Variants in MEI4 observed in about 807,000 individuals in gnomAD.
MEI4 encodes the protein meiosis-specific protein MEI4.
MEI4 carries 27 observed loss-of-function variants against 31.4 expected under a neutral mutation model. The observed-to-expected ratio is 0.86, with a 90% CI of 0.63 to 1.19. The LOEUF is 1.19. MEI4 is among the 50% of genes most tolerant of loss of function. The pLI is 0.00. For missense variants in MEI4, 329 were observed against 398.9 expected (o/e 0.82, Z 1.49); for synonymous variants, 122 against 145.4 (o/e 0.84, Z 1.16).
chr6:77,778,338 G>A (rs1210565889), intron 3 of MEI4, among the ~76,000 whole-genome samples: 1 of 151,984 alleles, frequency 6.6e-6, no homozygotes, highest in Non-Finnish European at 1.5e-5. Context: ...AAAGGAGTAG[G>A]GTGTTACTTG....
At chr6:77,744,773 G>A (rs982695602) in intron 2 of MEI4, among the ~76,000 whole-genome samples, 8 of 152,138 alleles carry the variant, frequency 5.3e-5, no homozygotes, top group Admixed American at 2.0e-4. Flanking sequence ...TCGATCTCTC[G>A]GCAGAAACCC....
chr6:77,790,958 A>C (rs543973029), intron 3 of MEI4, among the ~76,000 whole-genome samples: 1 of 152,308 alleles, frequency 6.6e-6, no homozygotes, highest in Non-Finnish European at 1.5e-5. Context: ...CCATCAGAGA[A>C]ATGCAAATCA....
rs746790963 is a variant in MEI4 at position 77,924,049 on chromosome 6, T to C, written c.*703T>C. On this transcript the variant is annotated 3_prime_UTR_variant, in exon 5 of 5. Transcript: ENST00000684080. ...ATAGTCTTGTAATTGTTAAATAGTA[T>C]ACAATTAAGTCACTAGACATATTTT... The C allele has an allele frequency of 5.3e-5, 8 of 151,874 alleles. No individual in the cohort carries two copies. The highest frequency in any genetic ancestry group is 7.4e-5 in the Non-Finnish European group (5 of 67,810). The allele number at this position is 151,874 out of a possible 1,614,324, so 9.4% of individuals were successfully genotyped here.
At chr6:77,686,058 C>T (rs1237272447) in intron 1 of MEI4, among the ~76,000 whole-genome samples, 4 of 151,858 alleles carry the variant, frequency 2.6e-5, no homozygotes, top group African/African-American at 9.7e-5. Flanking sequence ...GAGTCTGGGA[C>T]CTCCCTCCCT....
At chr6:77,743,815 A>T (rs1389202055) in intron 2 of MEI4, among the ~76,000 whole-genome samples, 2 of 152,182 alleles carry the variant, frequency 1.3e-5, no homozygotes, top group African/African-American at 4.8e-5. Context: ...GTTCACAAAA[A>T]TCTGCTGTTA....
At chr6:77,907,495 C>T (rs9448246) in intron 4 of MEI4, among the ~76,000 whole-genome samples, 56,190 of 151,950 alleles carry the variant, frequency 0.37, 10,986 homozygotes, top group African/African-American at 0.5. Flanking sequence ...GCATAGTATT[C>T]CATGGTGTAT....
At chr6:77,737,556 C>T (rs905878584) in intron 2 of MEI4, among the ~76,000 whole-genome samples, 5 of 152,172 alleles carry the variant, frequency 3.3e-5, no homozygotes, top group South Asian at 2.1e-4. Flanking sequence ...TAGAGAATTA[C>T]GACTGGATGA....
intron 4 of MEI4, among the ~76,000 whole-genome samples, chr6:77,887,114 G>GAGCA (rs1771638735): frequency 6.6e-6 from 1 of 151,622 alleles, no homozygotes; most frequent in African/African-American, 2.4e-5. Flanking sequence ...CCCTCTGAGC[G>GAGCA]CTGCCTTTGC....
chr6:77,720,672 A>G (rs1385543034), intron 2 of MEI4, among the ~76,000 whole-genome samples: 1 of 101,564 alleles, frequency 9.8e-6, no homozygotes, highest in Non-Finnish European at 2.0e-5. Context: ...ATGTGACATC[A>G]AATTTGTTTT....
intron 2 of MEI4, among the ~76,000 whole-genome samples, chr6:77,734,181 C>A (rs557068488): frequency 6.6e-6 from 1 of 151,894 alleles, no homozygotes; most frequent in African/African-American, 2.4e-5. Context: ...CCTGGGTATC[C>A]TTGTTGACTT....
At chr6:77,908,552 C>G (rs71563080) in intron 4 of MEI4, among the ~76,000 whole-genome samples, 13,979 of 151,984 alleles carry the variant, frequency 0.092, 939 homozygotes, top group East Asian at 0.31. Flanking sequence ...TTACTGTAGC[C>G]TTGTAGTATA....
intron 2 of MEI4, among the ~76,000 whole-genome samples, chr6:77,715,795 G>A (rs551051727): frequency 1.3e-4 from 20 of 151,996 alleles, no homozygotes; most frequent in South Asian, 1.0e-3. Flanking sequence ...TATACTTAAC[G>A]TCACGTGATG....
intron 1 of MEI4, among the ~76,000 whole-genome samples, chr6:77,670,976 T>A (rs958350230): frequency 3.3e-5 from 5 of 151,960 alleles, no homozygotes; most frequent in Admixed American, 2.0e-4. Context: ...TGATGTGGTC[T>A]GATCATCAAA....
At chr6:77,903,798 C>T (rs566149423) in intron 4 of MEI4, among the ~76,000 whole-genome samples, 2 of 151,918 alleles carry the variant, frequency 1.3e-5, no homozygotes, top group African/African-American at 4.8e-5. Context: ...TATCATATGG[C>T]TTTTATTCTT....
chr6:77,918,270 T>C (rs1333471983), intron 4 of MEI4, among the ~76,000 whole-genome samples: 2 of 150,930 alleles, frequency 1.3e-5, no homozygotes, highest in Non-Finnish European at 2.9e-5. Context: ...TGGTTCCATA[T>C]GAACTTTAAA....
chr6:77,799,860 G>T (rs1312399646), intron 3 of MEI4, among the ~76,000 whole-genome samples: 2 of 152,100 alleles, frequency 1.3e-5, no homozygotes, highest in African/African-American at 4.8e-5. Context: ...CTATATCTCT[G>T]CTTTGGTACT....
At chr6:77,845,046 C>A (rs756654344) in intron 4 of MEI4, among the ~76,000 whole-genome samples, 1 of 152,110 alleles carries the variant, frequency 6.6e-6, no homozygotes, top group African/African-American at 2.4e-5. Flanking sequence ...CACTACCTTG[C>A]CCTGTGAGTC....
intron 4 of MEI4, among the ~76,000 whole-genome samples, chr6:77,834,478 T>C (rs2127712837): frequency 6.7e-6 from 1 of 149,192 alleles, no homozygotes; most frequent in South Asian, 2.1e-4. Context: ...GATTTTATAA[T>C]ATAATTTTGA....
At chr6:77,680,128 A>AAAAAAAAAAAAAAAAAT (rs1247876878) in intron 1 of MEI4, among the ~76,000 whole-genome samples, 200 of 114,956 alleles carry the variant, frequency 1.7e-3, no homozygotes, top group Middle Eastern at 4.6e-3. Context: ...AAAAAAAAAA[A>AAAAAAAAAAAAAAAAAT]ATTAGCTGGG....
Sources: gnomAD v4.1 joint callset for allele counts (sites outside exome capture counted in the v4.1 genomes callset) on GRCh38, gnomAD v4.1.1 for gene constraint, MANE v1.5 for transcripts, NCBI Gene and HGNC (gene_info 2026-07-23, HGNC 2026-07-21) for gene names.